The following MAPK10 variants were observed in gnomAD, a reference collection of about 807,000 sequenced individuals.
The protein encoded by MAPK10 is JNK3 alpha protein kinase.
In MAPK10, 25 loss-of-function variants were observed where a neutral mutation model predicts 59.3. That is an observed-to-expected ratio of 0.42 (90% CI 0.31 to 0.59). The LOEUF is 0.59. Ranked by LOEUF, MAPK10 falls within the 20% of genes least tolerant of loss-of-function variation. MAPK10 has a pLI of 0.15. For synonymous variants in MAPK10, 190 were observed against 200.5 expected (o/e 0.95, Z 0.44); for missense variants, 351 against 568.9 (o/e 0.62, Z 3.90).
At chr4:86,038,125 TC>T (rs1209661039) in intron 11 of MAPK10, among the ~76,000 whole-genome samples, 1 of 152,220 alleles carries the variant, frequency 6.6e-6, no homozygotes, top group Non-Finnish European at 1.5e-5. Context: ...ACAAAGTTGT[TC>T]CTTTGATTCT....
chr4:86,441,205 T>C (rs183140715), intron 1 of MAPK10, among the ~76,000 whole-genome samples: 257 of 152,362 alleles, frequency 1.7e-3, no homozygotes, highest in Middle Eastern at 6.8e-3. Context: ...ATATAATGTG[T>C]GTGTGACTGT....
intron 11 of MAPK10, among the ~76,000 whole-genome samples, chr4:86,042,000 T>G (rs2148941483): frequency 6.6e-6 from 1 of 152,342 alleles, no homozygotes; most frequent in East Asian, 1.9e-4. Flanking sequence ...TATTCTGTTC[T>G]AAAGACACAT....
intron 3 of MAPK10, among the ~76,000 whole-genome samples, chr4:86,162,400 T>C (rs2070065271): frequency 6.6e-6 from 1 of 152,000 alleles, no homozygotes; most frequent in African/African-American, 2.4e-5. Context: ...TTTGAGATAA[T>C]TATCCTTGGC....
chr4:86,480,763 A>G (rs1447962372), intron 1 of MAPK10, among the ~76,000 whole-genome samples: 1 of 152,240 alleles, frequency 6.6e-6, no homozygotes, highest in East Asian at 1.9e-4. Flanking sequence ...CATTCTTGCA[A>G]CAAAAGACAG....
At chr4:86,215,831 C>T (rs2087364285) in intron 2 of MAPK10, among the ~76,000 whole-genome samples, 1 of 152,170 alleles carries the variant, frequency 6.6e-6, no homozygotes, top group Non-Finnish European at 1.5e-5. Flanking sequence ...CACTGCACTC[C>T]AGCCTGGGCG....
chr4:86,099,306 G>A (rs921658532), intron 8 of MAPK10: 8 of 152,206 alleles, frequency 5.3e-5, no homozygotes, highest in Admixed American at 1.3e-4. Context: ...AGTGAAAAAA[G>A]TATTAAAGGT....
chr4:86,025,563 T>C (rs66502717), intron 13 of MAPK10: 72,253 of 397,938 alleles, frequency 0.18, 8,005 homozygotes, highest in African/African-American at 0.35. Context: ...GTGAGAAATA[T>C]CTCTTCTTTC....
At chr4:86,292,936 T>G (rs1179999929) in intron 2 of MAPK10, among the ~76,000 whole-genome samples, 1 of 152,174 alleles carries the variant, frequency 6.6e-6, no homozygotes, top group Non-Finnish European at 1.5e-5. Flanking sequence ...CCTCCTCTTA[T>G]GAGAAAGGTA....
At chr4:86,475,792 T>C (rs1348028319) in intron 1 of MAPK10, among the ~76,000 whole-genome samples, 2 of 151,978 alleles carry the variant, frequency 1.3e-5, no homozygotes, top group Non-Finnish European at 2.9e-5. Flanking sequence ...TCCATGTCTC[T>C]ACTCTCTCTT....
At position 86,010,716 on chromosome 4, in the gene MAPK10, A is replaced by C. The variant is rs923785160; in HGVS notation, c.*6512T>G. 1.3e-5 allele frequency: 2 copies of C among 152,222 alleles called. No homozygotes were observed. Among genetic ancestry groups the C allele is most frequent in the African/African-American group, 4.8e-5 (2 of 41,456 alleles). The allele number at this position is 152,222 out of a possible 1,614,324, so 9.4% of individuals were successfully genotyped here. On this transcript the variant is annotated 3_prime_UTR_variant, in exon 14 of 14. Coordinates refer to ENST00000641462, the MANE Select transcript of MAPK10 (RefSeq NM_138982.4). ...GTAAAATATTATTTGCATTATAAAAATTGATTTTTTGGTATAATTGTTCAT... is the reference window on the plus strand; with the variant it reads ...GTAAAATATTATTTGCATTATAAAACTTGATTTTTTGGTATAATTGTTCAT...
intron 1 of MAPK10, among the ~76,000 whole-genome samples, chr4:86,488,591 T>C (rs574874654): frequency 6.6e-6 from 1 of 152,324 alleles, no homozygotes; most frequent in East Asian, 1.9e-4. Context: ...TTCTATTAGT[T>C]TTTCCCTTTC....
chr4:86,563,623 A>T (rs2149105275), intron 1 of MAPK10, among the ~76,000 whole-genome samples: 1 of 152,288 alleles, frequency 6.6e-6, no homozygotes, highest in African/African-American at 2.4e-5. Flanking sequence ...CCTCCAGTAG[A>T]TGCCTGAAAC....
chr4:86,266,883 T>G (rs1178640504), intron 2 of MAPK10, among the ~76,000 whole-genome samples: 1 of 152,052 alleles, frequency 6.6e-6, no homozygotes, highest in Non-Finnish European at 1.5e-5. Flanking sequence ...TAATATTTTC[T>G]GCAAAATTAC....
chr4:86,031,538 C>G (rs753611015), intron 11 of MAPK10, 107 bp from the exon 12 acceptor site: 1 of 738,372 alleles, frequency 1.4e-6, no homozygotes, highest in Non-Finnish European at 2.3e-6. Context: ...TGATTTCAAC[C>G]GTATATAAGT....
At chr4:86,104,434 T>C (rs2056167675) in intron 5 of MAPK10, among the ~76,000 whole-genome samples, 1 of 152,146 alleles carries the variant, frequency 6.6e-6, no homozygotes, top group African/African-American at 2.4e-5. Flanking sequence ...AAGTGCCATG[T>C]TATTCTGTGT....
intron 1 of MAPK10, among the ~76,000 whole-genome samples, chr4:86,492,683 C>A (rs1754559372): frequency 6.6e-6 from 1 of 152,156 alleles, no homozygotes; most frequent in Admixed American, 6.5e-5. Flanking sequence ...AGCAGGTGCT[C>A]AATAACGGTA....
At chr4:86,503,030 G>T (rs1755442334) in intron 1 of MAPK10, among the ~76,000 whole-genome samples, 1 of 151,976 alleles carries the variant, frequency 6.6e-6, no homozygotes, top group Non-Finnish European at 1.5e-5. Flanking sequence ...CTCAAAAGAG[G>T]GACTGCTGAA....
intron 2 of MAPK10, among the ~76,000 whole-genome samples, chr4:86,206,292 G>A (rs544082454): frequency 3.3e-4 from 49 of 150,396 alleles, no homozygotes; most frequent in Admixed American, 1.4e-3. Flanking sequence ...GAGAATATGC[G>A]GTGTTTGGTT....
chr4:86,436,977 C>T (rs922377580), intron 1 of MAPK10, among the ~76,000 whole-genome samples: 1 of 151,962 alleles, frequency 6.6e-6, no homozygotes, highest in Non-Finnish European at 1.5e-5. Flanking sequence ...CTTTGGGAGG[C>T]CAAGGTGGGC....
Sources: allele counts gnomAD v4.1 joint callset (sites outside exome capture counted in the v4.1 genomes callset), GRCh38; gene constraint gnomAD v4.1.1; transcripts MANE v1.5; gene names NCBI Gene and HGNC (gene_info 2026-07-23, HGNC 2026-07-21).